The following GPD2 variants were observed in gnomAD, a reference collection of about 807,000 sequenced individuals.
GPD2 encodes the protein glycerol-3-phosphate dehydrogenase 2.
In GPD2, 54 loss-of-function variants were observed where a neutral mutation model predicts 82.4. The ratio of observed to expected loss-of-function variants is 0.66; its 90% CI spans 0.53 to 0.82. GPD2 has a LOEUF of 0.82. Ranked by LOEUF, GPD2 falls within the 40% of genes least tolerant of loss-of-function variation. The pLI, the probability that GPD2 is intolerant of heterozygous loss-of-function variation, is 0.00. For missense variants in GPD2, 748 were observed against 896.2 expected (o/e 0.83, Z 2.11); for synonymous variants, 288 against 306.1 (o/e 0.94, Z 0.62).
chr2:156,415,749 G>C, the GPD2 span, among the ~76,000 whole-genome samples: 3 of 152,154 alleles, frequency 2.0e-5, no homozygotes, highest in Non-Finnish European at 2.9e-5. Flanking sequence ...CAGCTACTCA[G>C]GAGGCTGAGG....
At chr2:156,409,494 A>C in the GPD2 span, among the ~76,000 whole-genome samples, 1 of 151,866 alleles carries the variant, frequency 6.6e-6, no homozygotes, top group Non-Finnish European at 1.5e-5. Context: ...CCAGGTGTTC[A>C]AGACCAGCCT....
intron 6 of GPD2, among the ~76,000 whole-genome samples, chr2:156,533,587 A>T (rs1405014247): frequency 6.6e-6 from 1 of 152,172 alleles, no homozygotes; most frequent in African/African-American, 2.4e-5. Context: ...ATAAGAGAAA[A>T]CTTCCTGTCA....
chr2:156,446,130 T>A (rs1253937175), intron 1 of GPD2, among the ~76,000 whole-genome samples: 1 of 152,134 alleles, frequency 6.6e-6, no homozygotes, highest in Non-Finnish European at 1.5e-5. Context: ...TGAGTCTCGC[T>A]CTGTTGCCCA....
intron 6 of GPD2, among the ~76,000 whole-genome samples, chr2:156,513,829 T>G (rs1380281789): frequency 6.6e-6 from 1 of 152,216 alleles, no homozygotes; most frequent in East Asian, 1.9e-4. Context: ...CTAGTGAATA[T>G]TTGCCTTATG....
chr2:156,550,823 A>G (rs552778014), intron 8 of GPD2, 77 bp downstream of exon 8: 4 of 1,190,750 alleles, frequency 3.4e-6, no homozygotes, highest in East Asian at 2.4e-5. Flanking sequence ...TTCTTCTTCT[A>G]GCATAGCAAT....
At chr2:156,499,929 A>G (rs190645120) in intron 3 of GPD2, among the ~76,000 whole-genome samples, 2 of 152,026 alleles carry the variant, frequency 1.3e-5, no homozygotes, top group Admixed American at 6.6e-5. Flanking sequence ...GCAGTTTATT[A>G]CTATTTATTG....
chr2:156,543,489 C>A (rs1233667635), intron 6 of GPD2, among the ~76,000 whole-genome samples: 1 of 152,180 alleles, frequency 6.6e-6, no homozygotes, highest in Non-Finnish European at 1.5e-5. Flanking sequence ...CTAGCACAAT[C>A]TCTGGTACAT....
intron 2 of GPD2, among the ~76,000 whole-genome samples, chr2:156,491,173 C>T (rs1261876060): frequency 6.6e-6 from 1 of 152,202 alleles, no homozygotes; most frequent in Non-Finnish European, 1.5e-5. Context: ...TTGTACAGAA[C>T]ATGATATAAA....
chr2:156,443,592 T>G (rs1682255261), intron 1 of GPD2, among the ~76,000 whole-genome samples: 1 of 152,230 alleles, frequency 6.6e-6, no homozygotes, highest in South Asian at 2.1e-4. Flanking sequence ...AATCTTTTTA[T>G]TTTTATTTCA....
In GPD2 at chr2:156,569,359, A is replaced by G. The variant is rs368843419; in HGVS notation, c.1301-4A>G. ...TGATGAATTGTCTATCAATTTCTTT[A>G]TAGGTGGAAAGTGGACAACTTATCG... On this transcript the variant is annotated splice_region_variant and splice_polypyrimidine_tract_variant and intron_variant, in intron 10 of 16. Coordinates refer to ENST00000438166, the MANE Select transcript of GPD2 (RefSeq NM_000408.5). 34 of 1,594,620 alleles carry G rather than the reference A, an allele frequency of 2.1e-5. No homozygotes were observed. Among genetic ancestry groups the G allele is most frequent in the Non-Finnish European group, 2.9e-5 (34 of 1,162,610 alleles).
At chr2:156,544,187 T>C (rs1463443308) in intron 6 of GPD2, among the ~76,000 whole-genome samples, 1 of 152,178 alleles carries the variant, frequency 6.6e-6, no homozygotes, top group Non-Finnish European at 1.5e-5. Flanking sequence ...AGGTGTTGGC[T>C]GTCTGTCAGC....
chr2:156,437,662 A>G (rs572111818), intron 1 of GPD2, among the ~76,000 whole-genome samples: 4 of 152,370 alleles, frequency 2.6e-5, no homozygotes, highest in South Asian at 2.1e-4. Context: ...TTGAGAACCA[A>G]CAATGGATTC....
the GPD2 span, among the ~76,000 whole-genome samples, chr2:156,430,068 G>A: frequency 6.6e-6 from 1 of 152,138 alleles, no homozygotes. Flanking sequence ...TCTAATTCAT[G>A]TAAACTACCT....
intron 6 of GPD2, among the ~76,000 whole-genome samples, chr2:156,535,574 T>G (rs1016252682): frequency 2.6e-5 from 4 of 152,142 alleles, no homozygotes; most frequent in Admixed American, 6.5e-5. Context: ...TTGTTGTTTT[T>G]TTTTGTTTTG....
chr2:156,583,036 T>A lies in GPD2; in HGVS notation c.*118T>A. 1 of 1,093,070 alleles carries A rather than the reference T, an allele frequency of 9.1e-7. No individual in the cohort carries two copies. Among genetic ancestry groups the A allele is most frequent in the Non-Finnish European group, 1.4e-6 (1 of 727,494 alleles). 67.7% of individuals were successfully genotyped at this position (1,093,070 alleles called of 1,614,324 possible). A position where few individuals can be genotyped will look rare whatever the true frequency, so the allele number is the denominator to read the frequency against. On this transcript the variant is annotated 3_prime_UTR_variant, in exon 17 of 17. Transcript: ENST00000438166. Reference sequence around the variant, plus strand: ...TGTGGATAGCTGCCTTTTTTAACACTAGAAAACATTCCAAAACTTTAAGGT... The same window carrying A: ...TGTGGATAGCTGCCTTTTTTAACACAAGAAAACATTCCAAAACTTTAAGGT...
At chr2:156,447,396 A>G (rs1308409630) in intron 1 of GPD2, among the ~76,000 whole-genome samples, 1 of 151,494 alleles carries the variant, frequency 6.6e-6, no homozygotes, top group East Asian at 1.9e-4. Context: ...TTGCAGTAGC[A>G]CAATCATAGT....
At chr2:156,491,120 G>C (rs1313153678) in intron 2 of GPD2, among the ~76,000 whole-genome samples, 6 of 152,244 alleles carry the variant, frequency 3.9e-5, no homozygotes, top group African/African-American at 1.4e-4. Context: ...CCCATTCCCA[G>C]ACCCTGGCAA....
At chr2:156,497,287 C>A (rs915894593) in intron 3 of GPD2, among the ~76,000 whole-genome samples, 2 of 152,076 alleles carry the variant, frequency 1.3e-5, no homozygotes, top group African/African-American at 4.8e-5. Flanking sequence ...AGACTTAGAA[C>A]GGTGCTTGTC....
At chr2:156,464,788 A>G (rs1403117517) in intron 1 of GPD2, among the ~76,000 whole-genome samples, 1 of 152,180 alleles carries the variant, frequency 6.6e-6, no homozygotes, top group Non-Finnish European at 1.5e-5. Context: ...TACTTCCCCA[A>G]ATATATTTCT....
Sources: gnomAD v4.1 joint callset for allele counts (sites outside exome capture counted in the v4.1 genomes callset) on GRCh38, gnomAD v4.1.1 for gene constraint, MANE v1.5 for transcripts, NCBI Gene and HGNC (gene_info 2026-07-23, HGNC 2026-07-21) for gene names.